SLC4A4: variants seen among roughly 807,000 people sequenced by gnomAD.
SLC4A4 encodes the protein solute carrier family 4 member 4.
A neutral mutation model predicts 111.5 loss-of-function variants in SLC4A4; 27 were observed. That is an observed-to-expected ratio of 0.24 (90% CI 0.18 to 0.33). The LOEUF is 0.33. SLC4A4 is among the 10% of genes least tolerant of loss of function. SLC4A4 has a pLI of 1.00. For missense variants in SLC4A4, 909 were observed against 1,315.5 expected (o/e 0.69, Z 4.78); for synonymous variants, 443 against 463.4 (o/e 0.96, Z 0.57).
intron 2 of SLC4A4, 51 bp downstream of exon 2, chr4:71,236,700 T>C (rs780911630): frequency 7.1e-7 from 1 of 1,414,360 alleles, no homozygotes; most frequent in Non-Finnish European, 1.0e-6. Context: ...TATGTCTCTA[T>C]AGATAATAAC....
intron 2 of SLC4A4, among the ~76,000 whole-genome samples, chr4:71,107,125 T>C (rs989341547): frequency 2.6e-5 from 4 of 152,096 alleles, no homozygotes; most frequent in African/African-American, 7.2e-5. Flanking sequence ...TGAGATATGT[T>C]ATCTATCTTG....
intron 3 of SLC4A4, among the ~76,000 whole-genome samples, chr4:71,325,117 A>G (rs1046571219): frequency 6.6e-6 from 1 of 151,930 alleles, no homozygotes; most frequent in South Asian, 2.1e-4. Flanking sequence ...TGTCTAATTT[A>G]CTTGTCTATA....
intron 7 of SLC4A4, among the ~76,000 whole-genome samples, chr4:71,423,273 C>A (rs1352053344): frequency 7.2e-5 from 11 of 152,160 alleles, no homozygotes; most frequent in East Asian, 3.9e-4. Flanking sequence ...TAGGAATCCA[C>A]CTTACAAGGG....
chr4:71,403,778 G>A (rs1579021142), intron 7 of SLC4A4, among the ~76,000 whole-genome samples: 1 of 152,150 alleles, frequency 6.6e-6, no homozygotes, highest in Non-Finnish European at 1.5e-5. Context: ...CCTAGAGTTT[G>A]TATGTTCTGA....
intron 6 of SLC4A4, among the ~76,000 whole-genome samples, chr4:71,375,455 T>C (rs1309566535): frequency 6.6e-6 from 1 of 152,202 alleles, no homozygotes. Flanking sequence ...ACTTGGAATA[T>C]TCTTCTTCCT....
rs181641347 is a variant in SLC4A4 at position 71,154,972 on chromosome 4, C to T, written c.-2+62180C>T. Among the ~76,000 whole-genome samples the T allele has an allele frequency of 2.0e-5, 3 of 152,238 alleles. No homozygotes were observed. The East Asian group carries it at 5.8e-4, about 29-fold the overall frequency. The stretch of plus-strand genomic sequence containing the variant: ...TTATTCTTATACATTACCAAAGCTA[C>T]AATACGGTCTAAATTTTCAAACTGT... On this transcript the variant is annotated intron_variant, in intron 2 of 26. Coordinates refer to the SLC4A4 transcript ENST00000649996.
At chr4:71,485,059 A>G (rs958033364) in intron 14 of SLC4A4, among the ~76,000 whole-genome samples, 2 of 151,876 alleles carry the variant, frequency 1.3e-5, no homozygotes, top group East Asian at 3.9e-4. Flanking sequence ...GGGGTTTTCT[A>G]GATGCAGGAT....
chr4:71,269,551 A>G (rs1280373240), intron 3 of SLC4A4, among the ~76,000 whole-genome samples: 3 of 152,054 alleles, frequency 2.0e-5, no homozygotes, highest in Non-Finnish European at 4.4e-5. Context: ...TGTAGAAGTA[A>G]CTTCTTTTTG....
intron 7 of SLC4A4, among the ~76,000 whole-genome samples, chr4:71,429,563 G>C (rs898836431): frequency 2.0e-5 from 3 of 152,166 alleles, no homozygotes; most frequent in African/African-American, 2.4e-5. Context: ...TCACAGAGCT[G>C]ATGTTAATAG....
intron 1 of SLC4A4, among the ~76,000 whole-genome samples, chr4:71,230,800 C>T (rs1010085465): frequency 2.8e-4 from 42 of 152,120 alleles, no homozygotes; most frequent in African/African-American, 9.9e-4. Context: ...ATACAAGCTC[C>T]GGAGTGGATC....
chr4:71,437,140 A>C (rs927631327), intron 7 of SLC4A4: 1 of 462,944 alleles, frequency 2.2e-6, no homozygotes, highest in African/African-American at 2.0e-5. Context: ...ATCTGAGTTC[A>C]GATCCGTCAG....
chr4:71,105,840 A>AC (rs200503294), intron 2 of SLC4A4, among the ~76,000 whole-genome samples: 58,874 of 117,184 alleles, frequency 0.5, 13,310 homozygotes, highest in Non-Finnish European at 0.62. Context: ...CCTAGGCATT[A>AC]CCATTCAGGA....
chr4:71,484,674 T>A (rs1370552431), intron 14 of SLC4A4, among the ~76,000 whole-genome samples: 1 of 151,800 alleles, frequency 6.6e-6, no homozygotes, highest in African/African-American at 2.4e-5. Flanking sequence ...AATAGTTTTT[T>A]CTACTTCCAC....
intron 18 of SLC4A4, among the ~76,000 whole-genome samples, chr4:71,539,037 T>C (rs1437149625): frequency 6.6e-6 from 1 of 152,064 alleles, no homozygotes; most frequent in Non-Finnish European, 1.5e-5. Context: ...AGGATAGATA[T>C]CTAGAAATAG....
intron 3 of SLC4A4, among the ~76,000 whole-genome samples, chr4:71,257,309 A>G (rs752511368): frequency 1.3e-5 from 2 of 152,210 alleles, no homozygotes; most frequent in African/African-American, 2.4e-5. Flanking sequence ...TTGTTCAGTG[A>G]TCATAAAAAA....
chr4:71,443,738 T>C (rs2149064602), intron 8 of SLC4A4, among the ~76,000 whole-genome samples: 1 of 152,332 alleles, frequency 6.6e-6, no homozygotes, highest in Non-Finnish European at 1.5e-5. Context: ...CTCCAGACTG[T>C]TAAAAATTTA....
chr4:71,516,513 A>C (rs1308332503), intron 16 of SLC4A4, among the ~76,000 whole-genome samples: 2 of 152,138 alleles, frequency 1.3e-5, no homozygotes, highest in African/African-American at 4.8e-5. Context: ...CTCAGGTCTT[A>C]GTGGGGTGTG....
At chr4:71,538,745 C>T (rs1734784189) in intron 18 of SLC4A4, among the ~76,000 whole-genome samples, 3 of 152,144 alleles carry the variant, frequency 2.0e-5, no homozygotes, top group South Asian at 4.1e-4. Context: ...ATGGGATCCA[C>T]CTTTCCACTC....
At chr4:71,417,950 G>T (rs748553933) in intron 7 of SLC4A4, among the ~76,000 whole-genome samples, 2 of 152,132 alleles carry the variant, frequency 1.3e-5, no homozygotes, top group African/African-American at 4.8e-5. Flanking sequence ...TCCCTCATCT[G>T]TAAAATGATG....
Sources: allele counts gnomAD v4.1 joint callset (sites outside exome capture counted in the v4.1 genomes callset), GRCh38; gene constraint gnomAD v4.1.1; transcripts MANE v1.5; gene names NCBI Gene and HGNC (gene_info 2026-07-23, HGNC 2026-07-21).